The following TADA2A variants were observed in gnomAD, a reference collection of about 807,000 sequenced individuals.
TADA2A encodes transcriptional adapter 2-alpha.
In TADA2A, 38 loss-of-function variants were observed where a neutral mutation model predicts 67.4. The observed-to-expected ratio is 0.56, with a 90% confidence interval of 0.44 to 0.74. The LOEUF (loss-of-function observed/expected upper bound fraction) is 0.74. TADA2A is among the 30% of genes least tolerant of loss of function. The pLI is 0.00. For missense variants in TADA2A, 454 were observed against 547.0 expected (o/e 0.83, Z 1.70); for synonymous variants, 192 against 181.6 (o/e 1.06, Z -0.46).
intron 6 of TADA2A, 126 bp from the exon 7 acceptor site, chr17:37,442,438 C>CT (rs1471503619): frequency 1.4e-6 from 1 of 733,570 alleles, no homozygotes; most frequent in Non-Finnish European, 2.1e-6. Context: ...TTTCATAATA[C>CT]TTTATCTTTT....
chr17:37,477,052 C>G lies in TADA2A; in HGVS notation c.*70C>G. ...TGGGTCAAAGGACAATATGGGTGGG[C>G]ATTCTGGAGAGTTGTTTTTCAGCTG... On this transcript the variant is annotated 3_prime_UTR_variant, in exon 16 of 16. Transcript: ENST00000615182. 1 of 1,451,128 alleles carries G rather than the reference C, an allele frequency of 6.9e-7. No homozygotes were observed. The highest frequency in any genetic ancestry group is 9.3e-7 in the Non-Finnish European group (1 of 1,075,108). 89.9% of individuals were successfully genotyped at this position (1,451,128 alleles called of 1,614,324 possible).
intron 1 of TADA2A, among the ~76,000 whole-genome samples, chr17:37,408,887 C>T (rs2051764861): frequency 6.6e-6 from 1 of 152,060 alleles, no homozygotes; most frequent in African/African-American, 2.4e-5. Flanking sequence ...GAAATGTTGC[C>T]CACACTTAGT....
chr17:37,414,744 T>C (rs2051987963), intron 2 of TADA2A, among the ~76,000 whole-genome samples: 1 of 152,142 alleles, frequency 6.6e-6, no homozygotes, highest in African/African-American at 2.4e-5. Context: ...GTGAGAACCC[T>C]GGCTCCCAAC....
chr17:37,407,884 C>T (rs4795196), intron 1 of TADA2A: 35,855 of 152,084 alleles, frequency 0.24, 4,336 homozygotes, highest in Middle Eastern at 0.35. Context: ...CCACCACGCC[C>T]GGCCCTACTA....
At chr17:37,476,476 T>A (rs1043479103) in intron 15 of TADA2A, among the ~76,000 whole-genome samples, 17 of 152,182 alleles carry the variant, frequency 1.1e-4, no homozygotes, top group African/African-American at 4.1e-4. Context: ...GGGCATTTAG[T>A]GTTTGACTCC....
Position 37,409,807 on chromosome 17 carries a change from CAGA to C in TADA2A, c.-97-1456_-97-1454del, listed in dbSNP as rs201593965. ...ACAAAAACAAAAAGCTGTGAGTGTACAGAAGAAGGATTATTTTTTGACTTAGTG... is the reference window on the plus strand; with the variant it reads ...ACAAAAACAAAAAGCTGTGAGTGTACAGAAGGATTATTTTTTGACTTAGTG... On this transcript the variant is annotated intron_variant, in intron 1 of 15. Coordinates refer to ENST00000615182, the MANE Select transcript of TADA2A (RefSeq NM_001166105.3). 6.4e-3 allele frequency among the ~76,000 whole-genome samples: 978 copies of C among 151,928 alleles called. 7 individuals carry two copies. The highest frequency in any genetic ancestry group is 0.022 in the African/African-American group (930 of 41,464).
chr17:37,467,430 C>T, intron 11 of TADA2A, 24 bp from the exon 12 acceptor site: 1 of 1,604,430 alleles, frequency 6.2e-7, no homozygotes, highest in Non-Finnish European at 8.5e-7. Context: ...TAATTTTTTC[C>T]TTCATTCCTT....
intron 12 of TADA2A, 44 bp downstream of exon 12, chr17:37,467,569 T>C: frequency 6.8e-7 from 1 of 1,470,450 alleles, no homozygotes; most frequent in Non-Finnish European, 9.4e-7. Flanking sequence ...GGCAAGTATC[T>C]TCCAGACACA....
chr17:37,469,219 T>A (rs537204197), intron 12 of TADA2A, among the ~76,000 whole-genome samples: 171 of 152,098 alleles, frequency 1.1e-3, no homozygotes, highest in African/African-American at 3.9e-3. Context: ...AGTTGGCTTC[T>A]TAACACAGCC....
intron 2 of TADA2A, among the ~76,000 whole-genome samples, chr17:37,420,725 A>G (rs2052206819): frequency 6.8e-6 from 1 of 146,752 alleles, no homozygotes; most frequent in African/African-American, 2.5e-5. Context: ...TAAAGAGAAC[A>G]GTGATCTTCA....
chr17:37,432,925 A>ATTTTTT (rs1046006991), intron 4 of TADA2A, among the ~76,000 whole-genome samples: 1 of 52,208 alleles, frequency 1.9e-5, no homozygotes, highest in Non-Finnish European at 3.4e-5. Flanking sequence ...TGGTATTACA[A>ATTTTTT]TTTTTTTTTT....
chr17:37,435,012 C>T (rs2052679244), intron 4 of TADA2A, among the ~76,000 whole-genome samples: 1 of 152,136 alleles, frequency 6.6e-6, no homozygotes, highest in Non-Finnish European at 1.5e-5. Context: ...TTTGGGAGGC[C>T]CAGGCGGGCA....
At position 37,419,214 on chromosome 17, in the gene TADA2A, A is replaced by G. The variant is rs546323168; in HGVS notation, c.26-4295A>G. Reference sequence around the variant, plus strand: ...GAGAGAGGGTCTTGCTTTCTTACCCAGGCTGGAGTGCAGTGGCATGCTCAA... The same window carrying G: ...GAGAGAGGGTCTTGCTTTCTTACCCGGGCTGGAGTGCAGTGGCATGCTCAA... On this transcript the variant is annotated intron_variant, in intron 2 of 15. Transcript: ENST00000615182. 9.0e-5 allele frequency among the ~76,000 whole-genome samples: 13 copies of G among 144,888 alleles called. 1 individual carries two copies. In the South Asian group the frequency reaches 2.7e-3, roughly 30 times the overall value.
chr17:37,420,022 A>C (rs1396707935), intron 2 of TADA2A, among the ~76,000 whole-genome samples: 1 of 146,192 alleles, frequency 6.8e-6, no homozygotes, highest in East Asian at 2.2e-4. Context: ...CTCAAAAAAA[A>C]AAACTACTTT....
intron 8 of TADA2A, among the ~76,000 whole-genome samples, chr17:37,449,016 TG>T (rs917523454): frequency 4.0e-5 from 3 of 74,580 alleles, no homozygotes; most frequent in African/African-American, 1.7e-4. Context: ...GTGATTTCAC[TG>T]TTTTTTTTTT....
In TADA2A at chr17:37,442,620, G is replaced by A. The variant is rs767039292; in HGVS notation, c.499G>A (p.Gly167Arg). 3.3e-5 allele frequency: 54 copies of A among 1,613,762 alleles called. No individual in the cohort carries two copies. Among genetic ancestry groups the A allele is most frequent in the Non-Finnish European group, 4.6e-5 (54 of 1,179,956 alleles). The change falls in exon 7 of 16, where the codon GGG (glycine) becomes AGG (arginine). Residue 167 changes from glycine to arginine, a missense_variant. Physicochemically the swap from Gly to Arg is moderately radical, Grantham distance 125. This residue lies in a region of TADA2A where 403 missense variants were observed against 455.5 expected (regional missense o/e 0.88). Transcript: ENST00000615182. ...CTCCTTGCTTTCTCGGGACATGGCC[G>A]GGTACATGCCAGCTCGAGCAGATTT... Reference protein sequence around the residue: ...FDSLLSRDMAGYMPARADFIE... With the variant: ...FDSLLSRDMARYMPARADFIE...
intron 3 of TADA2A, among the ~76,000 whole-genome samples, chr17:37,425,160 G>A (rs2052367272): frequency 6.6e-6 from 1 of 152,156 alleles, no homozygotes; most frequent in Non-Finnish European, 1.5e-5. Flanking sequence ...GATTACAGGC[G>A]TGAGCTACCA....
At chr17:37,458,469 TTATA>T in intron 8 of TADA2A, 51 bp from the exon 9 acceptor site, 1 of 1,130,892 alleles carries the variant, frequency 8.8e-7, no homozygotes, top group East Asian at 3.4e-5. Context: ...TTTTATTTAT[TTATA>T]TAATATATAT....
At chr17:37,476,675 C>CGTG in intron 15 of TADA2A, 122 bp from the exon 16 acceptor site, 2 of 912,576 alleles carry the variant, frequency 2.2e-6, no homozygotes, top group Non-Finnish European at 3.3e-6. Flanking sequence ...GTCCAGCCAC[C>CGTG]CATCAGCTCC....
Sources: gnomAD v4.1 joint callset for allele counts (sites outside exome capture counted in the v4.1 genomes callset) on GRCh38, gnomAD v4.1.1 for gene constraint, gnomAD v4.1.1 regional missense constraint, MANE v1.5 for transcripts, NCBI Gene and HGNC (gene_info 2026-07-23, HGNC 2026-07-21) for gene names.